Variants in ATG10 observed in about 807,000 individuals in gnomAD.
ATG10 encodes the protein ubiquitin-like-conjugating enzyme ATG10.
ATG10 carries 30 observed loss-of-function variants against 32.1 expected under a neutral mutation model. The observed-to-expected ratio is 0.94, with a 90% CI of 0.70 to 1.27. ATG10 has a LOEUF of 1.27. Among genes scored for constraint, ATG10 ranks in the 50% most tolerant of loss-of-function variants. The pLI, the probability that ATG10 is intolerant of heterozygous loss-of-function variation, is 0.00. For missense variants in ATG10, 233 were observed against 262.3 expected, an observed-to-expected ratio of 0.89 and a Z score of 0.77; for synonymous variants, 87 against 91.5, an observed-to-expected ratio of 0.95 and a Z score of 0.28.
intron 2 of ATG10, among the ~76,000 whole-genome samples, chr5:82,026,722 A>C (rs1054771167): frequency 6.6e-6 from 1 of 152,190 alleles, no homozygotes. Context: ...AATTCAATGA[A>C]ATTTAATTAA....
intron 5 of ATG10, among the ~76,000 whole-genome samples, chr5:82,185,331 GGGAAA>G (rs1367235835): frequency 2.0e-5 from 3 of 152,264 alleles, no homozygotes; most frequent in Non-Finnish European, 4.4e-5. Flanking sequence ...CCATATGTCT[GGGAAA>G]GGAAAGTACA....
chr5:82,105,317 C>T (rs946618808), intron 3 of ATG10, among the ~76,000 whole-genome samples: 1 of 151,972 alleles, frequency 6.6e-6, no homozygotes, highest in Non-Finnish European at 1.5e-5. Context: ...TTTTTCCACA[C>T]TTCAAAATGT....
chr5:81,992,684 G>T (rs1279284476), intron 2 of ATG10, among the ~76,000 whole-genome samples: 1 of 152,190 alleles, frequency 6.6e-6, no homozygotes, highest in Non-Finnish European at 1.5e-5. Context: ...GATTACAGGT[G>T]TGAGCCACCG....
In ATG10 at chr5:82,205,834, G is replaced by A. The variant is rs115277331; in HGVS notation, c.453+27247G>A. Among the ~76,000 whole-genome samples, 993 of 152,288 alleles carry A rather than the reference G, an allele frequency of 6.5e-3. 10 individuals carry two copies. Among genetic ancestry groups the A allele is most frequent in the African/African-American group, 0.023 (938 of 41,558 alleles). On this transcript the variant is annotated intron_variant, in intron 5 of 7. Transcript: ENST00000282185. ...AACTTTGATGCATGTACAAAATAGAGTCAGCCAAATTTGGGATTTTTGCAA... is the reference window on the plus strand; with the variant it reads ...AACTTTGATGCATGTACAAAATAGAATCAGCCAAATTTGGGATTTTTGCAA...
chr5:82,244,151 G>A (rs1247060738), intron 5 of ATG10, among the ~76,000 whole-genome samples: 1 of 152,052 alleles, frequency 6.6e-6, no homozygotes, highest in Non-Finnish European at 1.5e-5. Flanking sequence ...GGATTAGCTC[G>A]CTTTTATTCT....
chr5:82,045,300 CAA>C (rs1763200574), intron 2 of ATG10, among the ~76,000 whole-genome samples: 1 of 151,996 alleles, frequency 6.6e-6, no homozygotes, highest in African/African-American at 2.4e-5. Context: ...GTAAAATCAA[CAA>C]ATACAATTTT....
At chr5:82,157,930 A>G (rs934624178) in intron 3 of ATG10, among the ~76,000 whole-genome samples, 10 of 152,210 alleles carry the variant, frequency 6.6e-5, no homozygotes, top group Admixed American at 5.9e-4. Context: ...CTCATTACTT[A>G]CGTTTGCTCA....
intron 3 of ATG10, among the ~76,000 whole-genome samples, chr5:82,086,763 G>A (rs981898318): frequency 6.6e-6 from 1 of 152,146 alleles, no homozygotes; most frequent in African/African-American, 2.4e-5. Context: ...GTAGAAGTGG[G>A]GGAGAGAATG....
intron 2 of ATG10, among the ~76,000 whole-genome samples, chr5:82,033,789 T>C (rs570857624): frequency 6.9e-4 from 105 of 151,582 alleles, no homozygotes; most frequent in Middle Eastern, 3.4e-3. Flanking sequence ...TGTATGTTTG[T>C]ACTATATGTG....
At chr5:82,046,375 A>G (rs1763237712) in intron 2 of ATG10, among the ~76,000 whole-genome samples, 1 of 152,184 alleles carries the variant, frequency 6.6e-6, no homozygotes, top group Non-Finnish European at 1.5e-5. Context: ...TTGGCCACAG[A>G]GACCCAGACA....
intron 5 of ATG10, among the ~76,000 whole-genome samples, chr5:82,251,984 AAGAG>A (rs550634899): frequency 6.6e-6 from 1 of 152,116 alleles, no homozygotes; most frequent in Non-Finnish European, 1.5e-5. Flanking sequence ...CAGAGACGGA[AAGAG>A]AGAGAGAGAC....
At chr5:82,122,946 G>T (rs1401978517) in intron 3 of ATG10, among the ~76,000 whole-genome samples, 7 of 152,210 alleles carry the variant, frequency 4.6e-5, no homozygotes, top group Admixed American at 4.6e-4. Flanking sequence ...GAAAAGTAAT[G>T]TGGTAACTCC....
chr5:82,072,677 G>A (rs772665543), intron 3 of ATG10, among the ~76,000 whole-genome samples: 13 of 152,162 alleles, frequency 8.5e-5, no homozygotes, highest in African/African-American at 1.4e-4. Context: ...TTTAATTGCC[G>A]TTTATCCCAA....
At chr5:82,246,335 T>C (rs763549295) in intron 5 of ATG10, among the ~76,000 whole-genome samples, 2 of 151,984 alleles carry the variant, frequency 1.3e-5, no homozygotes, top group Non-Finnish European at 2.9e-5. Context: ...CCTCCCAAAG[T>C]GCTGGGATTA....
At chr5:82,088,758 G>T (rs150755114) in intron 3 of ATG10, among the ~76,000 whole-genome samples, 1 of 152,268 alleles carries the variant, frequency 6.6e-6, no homozygotes, top group Non-Finnish European at 1.5e-5. Flanking sequence ...TACCCATGTG[G>T]GGTAAGCTTT....
intron 3 of ATG10, among the ~76,000 whole-genome samples, chr5:82,075,940 A>G (rs930834604): frequency 1.3e-5 from 2 of 152,110 alleles, no homozygotes; most frequent in African/African-American, 2.4e-5. Flanking sequence ...ATGTCCAACA[A>G]TAACAACAAC....
intron 3 of ATG10, among the ~76,000 whole-genome samples, chr5:82,136,487 C>T (rs1012480018): frequency 5.3e-5 from 8 of 152,126 alleles, no homozygotes; most frequent in Admixed American, 2.0e-4. Flanking sequence ...ATTTATGAAG[C>T]TTAGTTTGGC....
intron 4 of ATG10, among the ~76,000 whole-genome samples, chr5:82,165,875 G>A (rs1743559223): frequency 6.6e-6 from 1 of 152,136 alleles, no homozygotes; most frequent in Non-Finnish European, 1.5e-5. Flanking sequence ...ACAAGTCGAG[G>A]CTGCAGGTAG....
intron 2 of ATG10, among the ~76,000 whole-genome samples, chr5:82,047,111 G>T (rs1763256839): frequency 6.6e-6 from 1 of 151,446 alleles, no homozygotes; most frequent in East Asian, 1.9e-4. Context: ...CAGGAACAAA[G>T]AGAGAAAAAA....
Sources: gnomAD v4.1 joint callset for allele counts (sites outside exome capture counted in the v4.1 genomes callset) on GRCh38, gnomAD v4.1.1 for gene constraint, MANE v1.5 for transcripts, NCBI Gene and HGNC (gene_info 2026-07-23, HGNC 2026-07-21) for gene names.